CCDC17: variants seen among roughly 807,000 people sequenced by gnomAD.
The protein encoded by CCDC17 is coiled-coil domain containing 17, also known as coiled-coil domain-containing protein 17.
CCDC17 carries 79 observed loss-of-function variants against 68.0 expected under a neutral mutation model. The observed-to-expected ratio is 1.16, with a 90% CI of 0.97 to 1.40. CCDC17 has a LOEUF of 1.40. CCDC17 is among the 40% of genes most tolerant of loss of function. The probability of loss-of-function intolerance (pLI) is 0.00; values close to 1 mark genes in which losing one functional copy is unlikely to be tolerated. For synonymous variants in CCDC17, 376 were observed against 337.5 expected (o/e 1.11, Z -1.25); for missense variants, 846 against 811.5 (o/e 1.04, Z -0.52).
rs923667073 is a variant in CCDC17, at chr1:45,623,068, G to C, written c.543C>G (p.Ser181=). ...TCTCCTGCTCCAGGCCGAAGAGGCGGGACATCCCGCCCCGCGTACAGGCCA... is the reference window on the plus strand; with the variant it reads ...TCTCCTGCTCCAGGCCGAAGAGGCGCGACATCCCGCCCCGCGTACAGGCCA... ...QVVACTRGGM[S]RLFGLEQEIR... The change falls in exon 4 of 13, where the codon TCC becomes TCG. Residue 181 remains serine (S), a synonymous_variant. Transcript: ENST00000528266. 1.2e-6 allele frequency: 2 copies of C among 1,607,196 alleles called. No individual in the cohort carries two copies. Among genetic ancestry groups the C allele is most frequent in the African/African-American group, 2.7e-5 (2 of 74,702 alleles).
chr1:45,620,680 G>C (rs1318565800), intron 12 of CCDC17, 43 bp downstream of exon 12: 1 of 1,560,970 alleles, frequency 6.4e-7, no homozygotes. Context: ...AGCCACACCG[G>C]TATGTGTAGC....
rs1644222730 is a variant in CCDC17, at chr1:45,620,728, G to A, written c.1705C>T (p.Pro569Ser). Residue 569 changes from proline (P) to serine (S), a missense_variant, in exon 12 of 13, where the codon CCT (proline) becomes TCT (serine). Physicochemically the swap from Pro to Ser is moderately conservative, Grantham distance 74. Transcript: ENST00000528266. ...AGCTGCAGCTGGGCCCTCACCGGAG[G>A]TGGGTACTGGTACTCATGGACACTT... Reference protein sequence around the residue: ...PASVHEYQYPPPVSSTSSLEA... With the variant: ...PASVHEYQYPSPVSSTSSLEA... 6.2e-7 allele frequency: 1 copy of A among 1,601,240 alleles called. No homozygotes were observed. The highest frequency in any genetic ancestry group is 1.7e-5 in the Admixed American group (1 of 57,680).
chr1:45,621,038 T>C lies in CCDC17; in HGVS notation c.1464A>G (p.Pro488=), dbSNP rs1644235121. ...CAAGTGAGACCCAAGCCTTTGGCTG[T>C]GGTGCCCTAGCCCATGCTAGCCCCT... ...VWQGLAWARA[P]QPKAWVSLGL... Residue 488 remains proline, a synonymous_variant, in exon 11 of 13, where the codon CCA becomes CCG. Coordinates refer to ENST00000528266, the MANE Select transcript of CCDC17 (RefSeq NM_001114938.3). 1 of 1,613,892 alleles carries C rather than the reference T, an allele frequency of 6.2e-7. No homozygotes were observed. Among genetic ancestry groups the C allele is most frequent in the Non-Finnish European group, 8.5e-7 (1 of 1,179,874 alleles).
Position 45,623,129 on chromosome 1 carries a change from C to T in CCDC17, c.494-12G>A, listed in dbSNP as rs1246006022. 6.5e-7 allele frequency: 1 copy of T among 1,544,156 alleles called. No homozygotes were observed. Among genetic ancestry groups the T allele is most frequent in the East Asian group, 2.4e-5 (1 of 41,324 alleles). On this transcript the variant is annotated splice_polypyrimidine_tract_variant and intron_variant, in intron 3 of 12. Transcript: ENST00000528266. ...GCGTCGGCTCAGTTCTGAGGGAATG[C>T]GGGCCGAGTCAGAACCGGCCCGAGC...
In CCDC17 at chr1:45,623,100, G is replaced by A; in HGVS notation, c.511C>T (p.Gln171Ter). ...LRGEELSRRLQVVACTRGGMS... is the reference protein window; with the variant it reads ...LRGEELSRRL The stretch of plus-strand genomic sequence containing the variant: ...CCGCCCCGCGTACAGGCCACAACTT[G>A]GAGGCGTCGGCTCAGTTCTGAGGGA... Residue 171 changes from glutamine to a stop codon, truncating the protein, a stop_gained, in exon 4 of 13, where the codon CAA (glutamine) becomes TAA (stop). Coordinates refer to ENST00000528266, the MANE Select transcript of CCDC17 (RefSeq NM_001114938.3). LOFTEE classifies it high-confidence loss of function. 6.3e-7 allele frequency: 1 copy of A among 1,575,972 alleles called. No individual in the cohort carries two copies. The highest frequency in any genetic ancestry group is 8.6e-7 in the Non-Finnish European group (1 of 1,161,226).
chr1:45,620,346 T>C lies in CCDC17; in HGVS notation c.1798A>G (p.Ser600Gly). Residue 600 changes from serine (S) to glycine (G), a missense_variant, in exon 13 of 13, where the codon AGT becomes GGT. Ser to Gly is a moderately conservative substitution (Grantham distance 56, BLOSUM62 0). Coordinates refer to ENST00000528266, the MANE Select transcript of CCDC17 (RefSeq NM_001114938.3). ...DPPPRTEEPL[S>G]GVKDRDEGLG... The stretch of plus-strand genomic sequence containing the variant: ...CCCTCATCTCTATCCTTGACTCCAC[T>C]GAGGGGCTCTTCTGTACGAGGTGGG... The C allele has an allele frequency of 6.2e-7, 1 of 1,608,286 alleles. No homozygotes were observed. The highest frequency in any genetic ancestry group is 8.5e-7 in the Non-Finnish European group (1 of 1,178,092).
rs146204736 is a variant in CCDC17 at position 45,622,991 on chromosome 1, A to C, written c.620T>G (p.Leu207Trp). 2.8e-4 allele frequency: 450 copies of C among 1,606,584 alleles called. 3 individuals are homozygous for C. The African/African-American group carries it at 5.5e-3, about 20-fold the overall frequency. The change falls in exon 4 of 13, where the codon TTG becomes TGG. Residue 207 changes from leucine to tryptophan, a missense_variant. Transcript: ENST00000528266. ...AGRTRGALEV[L>W]GARIQELQAE... is the part of the protein sequence containing the mutation. ...CTGCAGCTCCTGAATGCGGGCCCCCAACACCTCTAGAGCTCCCCGCGTCCT... is the reference window on the plus strand; with the variant it reads ...CTGCAGCTCCTGAATGCGGGCCCCCCACACCTCTAGAGCTCCCCGCGTCCT...
At chr1:45,623,685 T>TA (rs1644362456) in intron 1 of CCDC17, 33 bp from the exon 2 acceptor site, 3 of 1,551,584 alleles carry the variant, frequency 1.9e-6, no homozygotes, top group African/African-American at 2.7e-5. Flanking sequence ...TGAGGAATCA[T>TA]AAAGGTCCTG....
chr1:45,623,805 A>G lies in CCDC17; in HGVS notation c.105T>C (p.Ile35=). The G allele has an allele frequency of 6.4e-7, 1 of 1,551,636 alleles. No homozygotes were observed. Among genetic ancestry groups the G allele is most frequent in the Non-Finnish European group, 8.7e-7 (1 of 1,146,938 alleles). ...LLATHTQRFC[I]GHPTQEMTFG... ...ATGTCATCTCTTGGGTCGGGTGGCC[A>G]ATGCAGAAGCGCTGAGTATGGGTGG... The change falls in exon 1 of 13, where the codon ATT becomes ATC. Residue 35 remains isoleucine (I), a synonymous_variant. Coordinates refer to ENST00000528266, the MANE Select transcript of CCDC17 (RefSeq NM_001114938.3).
At position 45,623,419 on chromosome 1, in the gene CCDC17, G is replaced by A. The variant is rs1040401008; in HGVS notation, c.291C>T (p.Ser97=). 1.5e-5 allele frequency: 24 copies of A among 1,550,582 alleles called. No individual in the cohort carries two copies. The East Asian group carries it at 5.6e-4, about 36-fold the overall frequency. The change falls in exon 3 of 13, where the codon TCC becomes TCT. Residue 97 remains serine, a synonymous_variant. Transcript: ENST00000528266. ...LTEEVQWLRL[S]LQEMRPWITE... is the part of the protein sequence containing the mutation. Reference sequence around the variant, plus strand: ...TTATCCAGGGCCGCATTTCCTGTAGGGATAGCCGCAGCCACTGCACCTGGA... The same window carrying A: ...TTATCCAGGGCCGCATTTCCTGTAGAGATAGCCGCAGCCACTGCACCTGGA...
At chr1:45,622,454 G>A (rs1644300930) in intron 6 of CCDC17, 95 bp downstream of exon 6, 1 of 1,467,946 alleles carries the variant, frequency 6.8e-7, no homozygotes, top group African/African-American at 1.4e-5. Flanking sequence ...GGCTGGACTT[G>A]TCAGCTCACA....
In CCDC17 at chr1:45,621,357, G is replaced by A. The variant is rs1181051332; in HGVS notation, c.1312C>T (p.Leu438Phe). 5.7e-6 allele frequency: 9 copies of A among 1,590,518 alleles called. No individual in the cohort carries two copies. The highest frequency in any genetic ancestry group is 7.7e-6 in the Non-Finnish European group (9 of 1,168,536). ...GGAGCAGGAGGTGGGGGCAGGCAAA[G>A]GGCTGGGGGCAACGCTGTGGTCCTT... ...TGRTTALPPALCLPPPPAPGP... is the reference protein window; with the variant it reads ...TGRTTALPPAFCLPPPPAPGP... The change falls in exon 10 of 13, where the codon CTT (leucine) becomes TTT (phenylalanine). Residue 438 changes from leucine to phenylalanine, a missense_variant. Transcript: ENST00000528266.
Position 45,620,202 on chromosome 1 carries a change from G to C in CCDC17, c.*73C>G. ...AGACCCAATGTCAGAACATGGAGTA[G>C]TAAACCTGTAGGTCTGGAAATAGGC... On this transcript the variant is annotated 3_prime_UTR_variant, in exon 13 of 13. Transcript: ENST00000528266. 3 of 1,490,346 alleles carry C rather than the reference G, an allele frequency of 2.0e-6. No homozygotes were observed. The highest frequency in any genetic ancestry group is 2.7e-6 in the Non-Finnish European group (3 of 1,114,502). 92.3% of individuals were successfully genotyped at this position (1,490,346 alleles called of 1,614,324 possible).
rs370636981 is a variant in CCDC17, at chr1:45,622,693, G to A, written c.741-26C>T. On this transcript the variant is annotated intron_variant, in intron 5 of 12. Coordinates refer to ENST00000528266, the MANE Select transcript of CCDC17 (RefSeq NM_001114938.3). ...CTAGGGAGTGGGGAACAGGAAGGCC[G>A]TCTTTCCAGAACTGCTCAGCGCTTC... 1.7e-4 allele frequency: 262 copies of A among 1,555,802 alleles called. 1 individual carries two copies. In the African/African-American group the frequency reaches 2.8e-3, roughly 17 times the overall value.
At chr1:45,623,526 T>C in intron 2 of CCDC17, 31 bp downstream of exon 2, 2 of 1,548,554 alleles carry the variant, frequency 1.3e-6, no homozygotes, top group Non-Finnish European at 1.7e-6. Context: ...GCTCAACGTT[T>C]TGAGCCCTGG....
In CCDC17 at chr1:45,620,356, T is replaced by C. The variant is rs746708131; in HGVS notation, c.1788A>G (p.Glu596=). ...TATCCTTGACTCCACTGAGGGGCTC[T>C]TCTGTACGAGGTGGGGGATCAGCAA... ...VGFADPPPRT[E]EPLSGVKDRD... is the part of the protein sequence containing the mutation. Residue 596 remains glutamate (E), a synonymous_variant, in exon 13 of 13, where the codon GAA becomes GAG. Coordinates refer to ENST00000528266, the MANE Select transcript of CCDC17 (RefSeq NM_001114938.3). 55 of 1,607,786 alleles carry C rather than the reference T, an allele frequency of 3.4e-5. No individual in the cohort carries two copies. Among genetic ancestry groups the C allele is most frequent in the Non-Finnish European group, 4.4e-5 (52 of 1,177,856 alleles).
Position 45,623,998 on chromosome 1 carries a change from A to T in CCDC17, c.-89T>A, listed in dbSNP as rs925270535. On this transcript the variant is annotated 5_prime_UTR_variant, in exon 1 of 13. Coordinates refer to ENST00000528266, the MANE Select transcript of CCDC17 (RefSeq NM_001114938.3). Reference sequence around the variant, plus strand: ...GCAGAGGAGGATGAAAGAGACATAAAGCCAGAGGCAGAGAGGAAAGGCCGT... The same window carrying T: ...GCAGAGGAGGATGAAAGAGACATAATGCCAGAGGCAGAGAGGAAAGGCCGT... 3 of 933,082 alleles carry T rather than the reference A, an allele frequency of 3.2e-6. No individual in the cohort carries two copies. Among genetic ancestry groups the T allele is most frequent in the Non-Finnish European group, 4.8e-6 (3 of 629,166 alleles). The allele number at this position is 933,082 out of a possible 1,614,324, so 57.8% of individuals were successfully genotyped here.
At chr1:45,622,489 C>A (rs749589601) in intron 6 of CCDC17, 60 bp downstream of exon 6, 79 of 1,510,282 alleles carry the variant, frequency 5.2e-5, no homozygotes, top group Non-Finnish European at 6.9e-5. Flanking sequence ...ACAGGCCCTC[C>A]CTCGAGTTCT....
intron 10 of CCDC17, 80 bp from the exon 11 acceptor site, chr1:45,621,193 C>CTCA: frequency 1.9e-6 from 3 of 1,558,834 alleles, no homozygotes; most frequent in Non-Finnish European, 2.6e-6. Context: ...AGCCAGCGGC[C>CTCA]TCTGTATACA....
Sources: allele counts gnomAD v4.1 joint callset, GRCh38; gene constraint gnomAD v4.1.1; transcripts MANE v1.5; gene names NCBI Gene and HGNC (gene_info 2026-07-23, HGNC 2026-07-21).